Variants in GARRE1 observed in about 807,000 individuals in gnomAD.
GARRE1 encodes the protein granule associated Rac and RHOG effector protein 1.
GARRE1 carries 49 observed loss-of-function variants against 103.2 expected under a neutral mutation model. The ratio of observed to expected loss-of-function variants is 0.47; its 90% CI spans 0.38 to 0.60. The LOEUF is 0.60. Ranked by LOEUF, GARRE1 falls within the 20% of genes least tolerant of loss-of-function variation. The probability of loss-of-function intolerance (pLI) is 0.00; values close to 1 mark genes in which losing one functional copy is unlikely to be tolerated. For missense variants in GARRE1, 1,199 were observed against 1,370.5 expected (o/e 0.87, Z 1.98); for synonymous variants, 505 against 532.8 (o/e 0.95, Z 0.72).
Position 34,352,957 on chromosome 19 carries a change from CCCAGGCCAGCCAGCCTGCCTG to C in GARRE1, c.*5_*25del, listed in dbSNP as rs1255410527. Reference sequence around the variant, plus strand: ...CCAGCCTATCTGCCCCAGTACTGACCCCAGGCCAGCCAGCCTGCCTGCCTGCCTGCCTGCCCGCCCAGAGCT... The same window carrying C: ...CCAGCCTATCTGCCCCAGTACTGACCCCTGCCTGCCTGCCCGCCCAGAGCT... On this transcript the variant is annotated 3_prime_UTR_variant, in exon 14 of 14. Transcript: ENST00000299505. 3 of 1,486,102 alleles carry C rather than the reference CCCAGGCCAGCCAGCCTGCCTG, an allele frequency of 2.0e-6. No individual in the cohort carries two copies. In the African/African-American group the frequency reaches 5.7e-5, roughly 28 times the overall value. 92.1% of individuals were successfully genotyped at this position (1,486,102 alleles called of 1,614,324 possible).
intron 2 of GARRE1, among the ~76,000 whole-genome samples, chr19:34,310,527 C>T (rs2145251075): frequency 6.6e-6 from 1 of 152,312 alleles, no homozygotes; most frequent in Non-Finnish European, 1.5e-5. Flanking sequence ...GTAGAGGCAC[C>T]CCTGAGCACC....
At chr19:34,328,684 T>G in intron 6 of GARRE1, among the ~76,000 whole-genome samples, 1 of 152,124 alleles carries the variant, frequency 6.6e-6, no homozygotes, top group Non-Finnish European at 1.5e-5. Flanking sequence ...CTCAGCTCAC[T>G]GCAACCTTCA....
At chr19:34,291,680 GA>G (rs1280453778) in intron 1 of GARRE1, among the ~76,000 whole-genome samples, 1 of 152,176 alleles carries the variant, frequency 6.6e-6, no homozygotes, top group African/African-American at 2.4e-5. Context: ...GAGCCTTCAT[GA>G]CCTAATCATC....
intron 2 of GARRE1, among the ~76,000 whole-genome samples, chr19:34,309,077 TA>T (rs35384665): frequency 8.8e-5 from 13 of 147,370 alleles, no homozygotes; most frequent in African/African-American, 1.8e-4. Flanking sequence ...TCTCCCTCTT[TA>T]AAAAAAAAAA....
At chr19:34,331,379 G>A (rs1011400732) in intron 7 of GARRE1, among the ~76,000 whole-genome samples, 3 of 151,982 alleles carry the variant, frequency 2.0e-5, no homozygotes, top group Non-Finnish European at 1.5e-5. Context: ...TGATTATCAT[G>A]TAGGTCACTC....
chr19:34,302,019 TCG>T, intron 2 of GARRE1, among the ~76,000 whole-genome samples: 1 of 115,946 alleles, frequency 8.6e-6, no homozygotes. Context: ...TAAGTCAGTT[TCG>T]CTCTTGTTGC....
At chr19:34,264,426 T>C (rs1217511915) in intron 1 of GARRE1, among the ~76,000 whole-genome samples, 1 of 149,152 alleles carries the variant, frequency 6.7e-6, no homozygotes, top group Non-Finnish European at 1.5e-5. Flanking sequence ...GGGGACGGAG[T>C]CTTGCTCTGT....
intron 10 of GARRE1, among the ~76,000 whole-genome samples, chr19:34,345,639 G>A (rs1204061801): frequency 6.6e-6 from 1 of 152,048 alleles, no homozygotes; most frequent in Non-Finnish European, 1.5e-5. Flanking sequence ...GGCCAACATG[G>A]CGAAACCCCG....
At chr19:34,294,840 A>T (rs192331805) in intron 1 of GARRE1, among the ~76,000 whole-genome samples, 1 of 151,874 alleles carries the variant, frequency 6.6e-6, no homozygotes, top group Non-Finnish European at 1.5e-5. Flanking sequence ...CACCTGGCTA[A>T]TTTTTTTTGT....
chr19:34,260,028 A>G (rs1447400996), intron 1 of GARRE1, among the ~76,000 whole-genome samples: 1 of 152,196 alleles, frequency 6.6e-6, no homozygotes, highest in East Asian at 1.9e-4. Context: ...CTGTGAATCA[A>G]TTAAGCCTCT....
chr19:34,279,501 C>A (rs1427014849), intron 1 of GARRE1, among the ~76,000 whole-genome samples: 1 of 151,892 alleles, frequency 6.6e-6, no homozygotes, highest in Admixed American at 6.6e-5. Flanking sequence ...CCATGTTGCC[C>A]AGGCTGGCAG....
intron 2 of GARRE1, among the ~76,000 whole-genome samples, chr19:34,312,483 A>G (rs1344413929): frequency 3.3e-5 from 5 of 152,204 alleles, no homozygotes; most frequent in African/African-American, 4.8e-5. Context: ...GGCAACGAAC[A>G]TTCTTTCTAC....
At chr19:34,297,489 C>T (rs1260549093) in intron 1 of GARRE1, among the ~76,000 whole-genome samples, 2 of 152,170 alleles carry the variant, frequency 1.3e-5, no homozygotes, top group African/African-American at 4.8e-5. Flanking sequence ...GGAATGGGGG[C>T]AGGCTCTCCT....
intron 13 of GARRE1, 29 bp from the exon 14 acceptor site, chr19:34,352,618 G>A: frequency 6.3e-7 from 1 of 1,581,566 alleles, no homozygotes; most frequent in Non-Finnish European, 8.7e-7. Context: ...TGCCCGAAAT[G>A]CCACTAAGAA....
At chr19:34,319,853 C>G (rs878907943) in intron 2 of GARRE1, 54 bp from the exon 3 acceptor site, 1 of 1,515,710 alleles carries the variant, frequency 6.6e-7, no homozygotes, top group Non-Finnish European at 9.2e-7. Context: ...ATTTACTGCG[C>G]GAATCCAACA....
At chr19:34,287,577 A>G (rs2073894649) in intron 1 of GARRE1, among the ~76,000 whole-genome samples, 2 of 152,224 alleles carry the variant, frequency 1.3e-5, no homozygotes, top group Admixed American at 6.5e-5. Context: ...GCCTACAGAC[A>G]GATTTACTGT....
At chr19:34,318,265 G>A (rs1368183969) in intron 2 of GARRE1, among the ~76,000 whole-genome samples, 1 of 152,250 alleles carries the variant, frequency 6.6e-6, no homozygotes, top group East Asian at 1.9e-4. Flanking sequence ...GGCAAGGCGA[G>A]AGGTCCACAT....
Position 34,351,574 on chromosome 19 carries a change from G to A in GARRE1, c.2886G>A (p.Thr962=), listed in dbSNP as rs760405327. 29 of 1,613,310 alleles carry A rather than the reference G, an allele frequency of 1.8e-5. No homozygotes were observed. The highest frequency in any genetic ancestry group is 2.7e-5 in the African/African-American group (2 of 75,050). Residue 962 remains threonine (T), a synonymous_variant, in exon 13 of 14, where the codon ACG becomes ACA. Coordinates refer to ENST00000299505, the MANE Select transcript of GARRE1 (RefSeq NM_014686.5). ...TGCCCTCACCACCTCTCCTCACCAC[G>A]GTGGAGGATGTGAACCAGGTATTCA... ...STLPSPPLLT[T]VEDVNQDNKT...
intron 6 of GARRE1, among the ~76,000 whole-genome samples, chr19:34,328,399 C>T (rs1242752114): frequency 2.0e-5 from 3 of 151,508 alleles, no homozygotes; most frequent in Non-Finnish European, 2.9e-5. Flanking sequence ...TACGGTGGCA[C>T]GCACCTGTAG....
Sources: allele counts gnomAD v4.1 joint callset (sites outside exome capture counted in the v4.1 genomes callset), GRCh38; gene constraint gnomAD v4.1.1; transcripts MANE v1.5; gene names NCBI Gene and HGNC (gene_info 2026-07-23, HGNC 2026-07-21).